Variants in ANXA8 observed in about 807,000 individuals in gnomAD.
ANXA8 encodes the protein VAC-beta.
In ANXA8, 9 loss-of-function variants were observed where a neutral mutation model predicts 26.8. The observed-to-expected ratio is 0.34, with a 90% CI of 0.20 to 0.59. ANXA8 has a LOEUF of 0.59. ANXA8 is among the 20% of genes least tolerant of loss of function. ANXA8 has a pLI of 0.84. For synonymous variants in ANXA8, 39 were observed against 94.8 expected (o/e 0.41, Z 3.42); for missense variants, 83 against 238.5 (o/e 0.35, Z 4.29).
chr10:47,775,489 A>G, the ANXA8 span, among the ~76,000 whole-genome samples: 1 of 129,442 alleles, frequency 7.7e-6, no homozygotes, highest in African/African-American at 2.9e-5. Flanking sequence ...AACATAATCC[A>G]GGAGTTCCCA....
At chr10:47,761,162 A>G in the ANXA8 span, among the ~76,000 whole-genome samples, 1 of 151,028 alleles carries the variant, frequency 6.6e-6, no homozygotes, top group Non-Finnish European at 1.5e-5. Context: ...ACAGCACCTG[A>G]CAGTGTCAGC....
At chr10:47,894,714 C>G in the ANXA8 span, among the ~76,000 whole-genome samples, 40 of 152,162 alleles carry the variant, frequency 2.6e-4, no homozygotes, top group African/African-American at 8.9e-4. Flanking sequence ...ACACCCCATA[C>G]AGTACACCCT....
the ANXA8 span, among the ~76,000 whole-genome samples, chr10:47,628,397 A>G: frequency 2.0e-5 from 3 of 151,760 alleles, no homozygotes; most frequent in African/African-American, 7.2e-5. Flanking sequence ...CATTTTTATA[A>G]TCACAATACT....
chr10:47,718,290 G>T, the ANXA8 span, among the ~76,000 whole-genome samples: 1 of 142,234 alleles, frequency 7.0e-6, no homozygotes, highest in Non-Finnish European at 1.5e-5. Flanking sequence ...GGTCAACATG[G>T]CAAATCCCCA....
At chr10:47,694,878 G>C in the ANXA8 span, among the ~76,000 whole-genome samples, 1 of 151,172 alleles carries the variant, frequency 6.6e-6, no homozygotes, top group Non-Finnish European at 1.5e-5. Flanking sequence ...GAAGATGGGA[G>C]GCTTAACATT....
the ANXA8 span, among the ~76,000 whole-genome samples, chr10:47,684,266 G>C: frequency 1.3e-5 from 2 of 152,194 alleles, no homozygotes; most frequent in African/African-American, 4.8e-5. Flanking sequence ...TACATATTTT[G>C]TTTCCCCCTG....
chr10:47,489,435 T>C, the ANXA8 span, among the ~76,000 whole-genome samples: 3 of 150,318 alleles, frequency 2.0e-5, no homozygotes, highest in Non-Finnish European at 4.4e-5. Flanking sequence ...TGGCCTCTGA[T>C]GAGCATAGAT....
the ANXA8 span, among the ~76,000 whole-genome samples, chr10:47,566,205 C>T: frequency 6.6e-6 from 1 of 152,008 alleles, no homozygotes; most frequent in African/African-American, 2.4e-5. Flanking sequence ...GGTCCTCGAG[C>T]TCTATTTTTA....
At chr10:47,659,664 G>A in the ANXA8 span, among the ~76,000 whole-genome samples, 2,641 of 142,246 alleles carry the variant, frequency 0.019, 16 homozygotes, top group Non-Finnish European at 0.027. Context: ...CAACAAGAGC[G>A]AAACTCTGTC....
chr10:47,514,252 TTA>T, the ANXA8 span, among the ~76,000 whole-genome samples: 16 of 142,920 alleles, frequency 1.1e-4, 1 homozygote, highest in Admixed American at 3.4e-4. Context: ...TACATACATA[TTA>T]TATATATATA....
At chr10:47,776,724 C>T in the ANXA8 span, among the ~76,000 whole-genome samples, 5 of 151,808 alleles carry the variant, frequency 3.3e-5, no homozygotes, top group Non-Finnish European at 5.9e-5. Flanking sequence ...CCCACATGAG[C>T]GTAGAGGAGG....
At chr10:47,558,655 G>C in the ANXA8 span, among the ~76,000 whole-genome samples, 102 of 151,552 alleles carry the variant, frequency 6.7e-4, no homozygotes, top group Non-Finnish European at 1.3e-3. Flanking sequence ...CAATGTGCTA[G>C]GACTACAGGC....
the ANXA8 span, among the ~76,000 whole-genome samples, chr10:47,948,022 C>A: frequency 2.0e-5 from 3 of 150,706 alleles, no homozygotes; most frequent in Non-Finnish European, 4.4e-5. Flanking sequence ...AGTTGAGATC[C>A]CAGAAAAGTC....
At chr10:47,932,490 G>A in the ANXA8 span, among the ~76,000 whole-genome samples, 1 of 147,954 alleles carries the variant, frequency 6.8e-6, no homozygotes, top group Non-Finnish European at 1.5e-5. Flanking sequence ...AGGATGGTAG[G>A]GCTCTCTAGT....
At chr10:47,755,554 CCT>C in the ANXA8 span, among the ~76,000 whole-genome samples, 18 of 104,104 alleles carry the variant, frequency 1.7e-4, no homozygotes, top group African/African-American at 6.3e-4. Flanking sequence ...CGTGCCCGGC[CCT>C]TTTTTTTTTT....
chr10:47,536,812 C>T, the ANXA8 span, among the ~76,000 whole-genome samples: 4 of 125,962 alleles, frequency 3.2e-5, 1 homozygote, highest in African/African-American at 1.5e-4. Context: ...AAAAACACAA[C>T]AAATATTTGA....
the ANXA8 span, among the ~76,000 whole-genome samples, chr10:47,896,904 T>TTTTATTTATTTATTTATTTA: frequency 2.8e-4 from 41 of 146,026 alleles, no homozygotes; most frequent in African/African-American, 5.9e-4. Context: ...AATGAAGAGA[T>TTTTATTTATTTATTTATTTA]TTTATTTATT....
chr10:47,591,244 T>A, the ANXA8 span, among the ~76,000 whole-genome samples: 7 of 145,148 alleles, frequency 4.8e-5, no homozygotes, highest in African/African-American at 1.1e-4. Context: ...CCCACCTCCA[T>A]CAGCATCCTT....
the ANXA8 span, among the ~76,000 whole-genome samples, chr10:47,694,398 C>T: frequency 6.7e-6 from 1 of 149,232 alleles, no homozygotes; most frequent in Non-Finnish European, 1.5e-5. Flanking sequence ...TTGATATATA[C>T]CCCCAAACAG....
Sources: gnomAD v4.1 joint callset for allele counts (sites outside exome capture counted in the v4.1 genomes callset) on GRCh38, gnomAD v4.1.1 for gene constraint, MANE v1.5 for transcripts, NCBI Gene and HGNC (gene_info 2026-07-23, HGNC 2026-07-21) for gene names.